The following RSPO2 variants were observed in gnomAD, a reference collection of about 807,000 sequenced individuals.
RSPO2 encodes the protein R-spondin-2.
Under a neutral mutation model 30.9 loss-of-function variants are expected in RSPO2, and 14 were observed. The observed-to-expected ratio is 0.45, with a 90% confidence interval of 0.30 to 0.71. The LOEUF (loss-of-function observed/expected upper bound fraction) is 0.71, where lower values mean the gene tolerates loss of function less well. Ranked by LOEUF, RSPO2 falls within the 30% of genes least tolerant of loss-of-function variation. The probability of loss-of-function intolerance (pLI) is 0.08; values close to 1 mark genes in which losing one functional copy is unlikely to be tolerated. For missense variants in RSPO2, 264 were observed against 301.9 expected, an observed-to-expected ratio of 0.87 and a Z score of 0.93; for synonymous variants, 107 against 96.4, an observed-to-expected ratio of 1.11 and a Z score of -0.64.
intron 5 of RSPO2, among the ~76,000 whole-genome samples, chr8:107,916,312 G>T (rs1187331906): frequency 2.0e-5 from 3 of 152,096 alleles, no homozygotes; most frequent in African/African-American, 7.2e-5. Flanking sequence ...CTAGATTCTA[G>T]ATGAGGCCTG....
intron 2 of RSPO2, among the ~76,000 whole-genome samples, chr8:108,009,036 G>C (rs1810604031): frequency 6.6e-6 from 1 of 152,006 alleles, no homozygotes; most frequent in Non-Finnish European, 1.5e-5. Context: ...TCTCATTATT[G>C]ACAAAATGCA....
Position 107,900,992 on chromosome 8 carries a change from C to T in RSPO2, c.*83G>A, listed in dbSNP as rs1280496798. 4 of 1,456,720 alleles carry T rather than the reference C, an allele frequency of 2.7e-6. No homozygotes were observed. The East Asian group carries it at 9.1e-5, about 33-fold the overall frequency. The allele number at this position is 1,456,720 out of a possible 1,614,324, so 90.2% of individuals were successfully genotyped here. On this transcript the variant is annotated 3_prime_UTR_variant, in exon 6 of 6. Coordinates refer to ENST00000276659, the MANE Select transcript of RSPO2 (RefSeq NM_178565.5). Reference sequence around the variant, plus strand: ...ACTGGGCAGAGCAGCACAAAGGCTGCACACCAGTGTGCAGGAGTGGAGAGT... The same window carrying T: ...ACTGGGCAGAGCAGCACAAAGGCTGTACACCAGTGTGCAGGAGTGGAGAGT...
chr8:108,067,543 T>C (rs1033590966), intron 2 of RSPO2, among the ~76,000 whole-genome samples: 16 of 152,292 alleles, frequency 1.1e-4, no homozygotes, highest in Admixed American at 1.0e-3. Flanking sequence ...ATTCATCACA[T>C]TACTTTTTTA....
intron 5 of RSPO2, among the ~76,000 whole-genome samples, chr8:107,956,998 GA>G (rs1813454200): frequency 6.6e-6 from 1 of 152,140 alleles, no homozygotes; most frequent in African/African-American, 2.4e-5. Flanking sequence ...AATTCAAGAG[GA>G]AAAGCTGCTT....
chr8:108,074,592 C>T (rs950032398), intron 2 of RSPO2, among the ~76,000 whole-genome samples: 1 of 152,154 alleles, frequency 6.6e-6, no homozygotes, highest in Non-Finnish European at 1.5e-5. Context: ...ATTTAATATT[C>T]ATTACTTTAT....
intron 2 of RSPO2, among the ~76,000 whole-genome samples, chr8:108,001,214 A>G (rs1211614873): frequency 6.6e-6 from 1 of 152,124 alleles, no homozygotes. Flanking sequence ...GAAATTCTCC[A>G]GGGAACATTT....
chr8:107,947,043 C>G (rs941408922), intron 5 of RSPO2, among the ~76,000 whole-genome samples: 1 of 152,238 alleles, frequency 6.6e-6, no homozygotes, highest in Non-Finnish European at 1.5e-5. Flanking sequence ...TTGCTTCTCA[C>G]TTCATGCCAC....
At chr8:108,058,200 C>T (rs1476405604) in intron 2 of RSPO2, among the ~76,000 whole-genome samples, 1 of 152,094 alleles carries the variant, frequency 6.6e-6, no homozygotes, top group Non-Finnish European at 1.5e-5. Flanking sequence ...TTCTTATACA[C>T]CAATAACAGA....
At chr8:107,941,156 A>G (rs143864317) in intron 5 of RSPO2, among the ~76,000 whole-genome samples, 142 of 152,200 alleles carry the variant, frequency 9.3e-4, no homozygotes, top group African/African-American at 3.1e-3. Context: ...CCTTATACCA[A>G]TCATATCCCG....
In RSPO2 at chr8:108,082,709, G is replaced by A; in HGVS notation, c.-71C>T. ...TGGAGGGTTCGCCCAAAGAGCCGGC[G>A]CCGGCCGCGCTGCTGGGGAGGACTC... On this transcript the variant is annotated 5_prime_UTR_variant, in exon 2 of 6. Transcript: ENST00000276659. 7.5e-7 allele frequency: 1 copy of A among 1,334,862 alleles called. No individual in the cohort carries two copies. The highest frequency in any genetic ancestry group is 1.1e-6 in the Non-Finnish European group (1 of 939,312). 82.7% of individuals were successfully genotyped at this position (1,334,862 alleles called of 1,614,324 possible).
chr8:108,003,692 C>G (rs540340296), intron 2 of RSPO2, among the ~76,000 whole-genome samples: 1 of 151,962 alleles, frequency 6.6e-6, no homozygotes, highest in Non-Finnish European at 1.5e-5. Context: ...AAATTAACCC[C>G]GGGGAACATG....
chr8:107,920,581 T>C (rs542736109), intron 5 of RSPO2, among the ~76,000 whole-genome samples: 62 of 152,170 alleles, frequency 4.1e-4, no homozygotes, highest in Non-Finnish European at 8.4e-4. Context: ...ATTTATTCCA[T>C]AAAACTGCAT....
chr8:107,987,640 A>G (rs749931003), intron 3 of RSPO2, among the ~76,000 whole-genome samples: 4 of 152,230 alleles, frequency 2.6e-5, no homozygotes, highest in Non-Finnish European at 4.4e-5. Flanking sequence ...CCCATGAAAC[A>G]GAGAACTGCA....
At chr8:107,924,872 T>G (rs1368076494) in intron 5 of RSPO2, among the ~76,000 whole-genome samples, 1 of 151,642 alleles carries the variant, frequency 6.6e-6, no homozygotes, top group African/African-American at 2.4e-5. Context: ...CAAGTAGATT[T>G]ATGGTTTAAA....
intron 3 of RSPO2, chr8:107,983,025 C>A: frequency 1.1e-6 from 1 of 899,402 alleles, no homozygotes; most frequent in Non-Finnish European, 1.6e-6. Context: ...GGGCCACAGT[C>A]TCTGCGGCTG....
intron 5 of RSPO2, among the ~76,000 whole-genome samples, chr8:107,902,997 A>G (rs1586524614): frequency 1.3e-5 from 2 of 152,254 alleles, no homozygotes; most frequent in African/African-American, 4.8e-5. Context: ...AAGCAGCTGT[A>G]AAGTTACAAC....
chr8:107,911,309 TTGGA>T (rs992428071), intron 5 of RSPO2, among the ~76,000 whole-genome samples: 1 of 152,176 alleles, frequency 6.6e-6, no homozygotes, highest in Admixed American at 6.5e-5. Context: ...TGAACAGCTC[TTGGA>T]TGGATCACTC....
intron 2 of RSPO2, among the ~76,000 whole-genome samples, chr8:108,060,896 A>G (rs1356338503): frequency 6.6e-6 from 1 of 151,864 alleles, no homozygotes; most frequent in African/African-American, 2.4e-5. Context: ...TCTTAAAGAA[A>G]AGAATTTTCA....
At chr8:107,961,170 C>G (rs920669283) in intron 3 of RSPO2, among the ~76,000 whole-genome samples, 7 of 152,152 alleles carry the variant, frequency 4.6e-5, no homozygotes, top group Non-Finnish European at 1.0e-4. Flanking sequence ...ATCTGTCCTG[C>G]CCTCAAAAGG....
Sources: gnomAD v4.1 joint callset for allele counts (sites outside exome capture counted in the v4.1 genomes callset) on GRCh38, gnomAD v4.1.1 for gene constraint, MANE v1.5 for transcripts, NCBI Gene and HGNC (gene_info 2026-07-23, HGNC 2026-07-21) for gene names.